The following LUZP2 variants were observed in gnomAD, a reference collection of about 807,000 sequenced individuals.
LUZP2 encodes leucine zipper protein 2.
In LUZP2, 52 loss-of-function variants were observed where a neutral mutation model predicts 51.6. That is an observed-to-expected ratio of 1.01 (90% CI 0.81 to 1.27). The LOEUF is 1.27. LUZP2 is among the 50% of genes most tolerant of loss of function. The pLI is 0.00. For missense variants in LUZP2, 436 were observed against 395.4 expected (o/e 1.10, Z -0.87); for synonymous variants, 154 against 137.3 (o/e 1.12, Z -0.85).
chr11:24,894,934 G>A (rs555977413), intron 5 of LUZP2, among the ~76,000 whole-genome samples: 1 of 152,256 alleles, frequency 6.6e-6, no homozygotes, highest in South Asian at 2.1e-4. Context: ...AAATGAGGAG[G>A]AGAAAACACA....
chr11:24,563,614 C>T (rs976264855), intron 1 of LUZP2, among the ~76,000 whole-genome samples: 1 of 151,956 alleles, frequency 6.6e-6, no homozygotes, highest in Non-Finnish European at 1.5e-5. Context: ...TTTTGATTGT[C>T]GGCACAGTCA....
chr11:25,047,991 G>A (rs1451128053), intron 9 of LUZP2, among the ~76,000 whole-genome samples: 3 of 146,304 alleles, frequency 2.1e-5, no homozygotes, highest in Non-Finnish European at 4.5e-5. Context: ...AAAAAAAATT[G>A]TAGCGACAGG....
Position 24,565,410 on chromosome 11 carries a change from G to T in LUZP2, c.62+68105G>T, listed in dbSNP as rs1243100846. ...CTCAACATCCTATGAGCATATAAGG[G>T]ACGTGAAGGTAAATATTTGCCTGTC... On this transcript the variant is annotated intron_variant, in intron 1 of 11. Coordinates refer to ENST00000336930, the MANE Select transcript of LUZP2 (RefSeq NM_001009909.4). 2.0e-5 allele frequency among the ~76,000 whole-genome samples: 3 copies of T among 152,122 alleles called. 1 individual carries two copies. Among genetic ancestry groups the T allele is most frequent in the Non-Finnish European group, 4.4e-5 (3 of 68,026 alleles).
At chr11:24,649,713 G>C (rs1458060439) in intron 1 of LUZP2, among the ~76,000 whole-genome samples, 3 of 151,820 alleles carry the variant, frequency 2.0e-5, no homozygotes, top group Non-Finnish European at 2.9e-5. Context: ...GGGGCCAGGT[G>C]GTGGGACTGC....
chr11:24,980,798 A>T (rs978198242), intron 8 of LUZP2, among the ~76,000 whole-genome samples: 1 of 151,626 alleles, frequency 6.6e-6, no homozygotes, highest in Non-Finnish European at 1.5e-5. Flanking sequence ...CTATATGGGT[A>T]TTTGGAAGAA....
At chr11:24,946,992 A>G (rs968915649) in intron 7 of LUZP2, among the ~76,000 whole-genome samples, 1 of 151,916 alleles carries the variant, frequency 6.6e-6, no homozygotes, top group Non-Finnish European at 1.5e-5. Flanking sequence ...ACTACAGTTA[A>G]CCCTTGAACA....
At chr11:24,538,725 T>C (rs937888300) in intron 1 of LUZP2, among the ~76,000 whole-genome samples, 2 of 151,650 alleles carry the variant, frequency 1.3e-5, no homozygotes, top group Non-Finnish European at 3.0e-5. Flanking sequence ...ATTTATTTTG[T>C]AAAAATAATT....
chr11:24,758,601 G>A (rs1433469755), intron 4 of LUZP2, among the ~76,000 whole-genome samples: 1 of 151,954 alleles, frequency 6.6e-6, no homozygotes, highest in Non-Finnish European at 1.5e-5. Context: ...GAAGACTATA[G>A]TTGTAATTGA....
intron 9 of LUZP2, among the ~76,000 whole-genome samples, chr11:25,027,726 C>T (rs532970600): frequency 2.2e-4 from 34 of 151,816 alleles, no homozygotes; most frequent in African/African-American, 6.8e-4. Flanking sequence ...AAAAATTAGC[C>T]GGGCGTGGTG....
At chr11:24,874,624 T>A (rs1852188497) in intron 5 of LUZP2, among the ~76,000 whole-genome samples, 1 of 152,132 alleles carries the variant, frequency 6.6e-6, no homozygotes, top group Admixed American at 6.6e-5. Context: ...CCTTCATCTG[T>A]GATACAAGTA....
chr11:24,770,935 T>A (rs1860390850), intron 5 of LUZP2, among the ~76,000 whole-genome samples: 1 of 129,378 alleles, frequency 7.7e-6, no homozygotes, highest in Non-Finnish European at 1.7e-5. Flanking sequence ...CCTGCTGCCC[T>A]GCCACTGCAG....
At chr11:24,576,976 G>T (rs1852673485) in intron 1 of LUZP2, among the ~76,000 whole-genome samples, 1 of 151,906 alleles carries the variant, frequency 6.6e-6, no homozygotes, top group African/African-American at 2.4e-5. Context: ...TGATGGGACT[G>T]GTTAAAGAAA....
intron 5 of LUZP2, among the ~76,000 whole-genome samples, chr11:24,766,862 A>G (rs1459371886): frequency 1.3e-5 from 2 of 152,132 alleles, no homozygotes; most frequent in African/African-American, 4.8e-5. Context: ...CTTGGGTTCA[A>G]GTGATACCCC....
chr11:24,531,407 A>G (rs1247906724), intron 1 of LUZP2, among the ~76,000 whole-genome samples: 2 of 150,956 alleles, frequency 1.3e-5, no homozygotes, highest in Non-Finnish European at 3.0e-5. Context: ...CAAATATATC[A>G]TCTCATTTAT....
intron 1 of LUZP2, among the ~76,000 whole-genome samples, chr11:24,596,326 A>C (rs901638517): frequency 2.6e-5 from 4 of 152,198 alleles, no homozygotes; most frequent in African/African-American, 9.6e-5. Context: ...ATCAGCTTTC[A>C]AGTTTTGTGG....
At chr11:25,036,767 A>G (rs1168975908) in intron 9 of LUZP2, among the ~76,000 whole-genome samples, 1 of 151,984 alleles carries the variant, frequency 6.6e-6, no homozygotes, top group African/African-American at 2.4e-5. Context: ...TCATGCGTTG[A>G]GAGAGATATT....
At chr11:24,673,684 G>T (rs999798571) in intron 1 of LUZP2, among the ~76,000 whole-genome samples, 1 of 152,104 alleles carries the variant, frequency 6.6e-6, no homozygotes, top group East Asian at 1.9e-4. Flanking sequence ...TGCATTGTTG[G>T]ATGTTTAACA....
intron 9 of LUZP2, among the ~76,000 whole-genome samples, chr11:24,996,786 A>G (rs1856516125): frequency 6.6e-6 from 1 of 151,554 alleles, no homozygotes; most frequent in Non-Finnish European, 1.5e-5. Context: ...ACCCCACAAC[A>G]GTCTCCAGAG....
intron 6 of LUZP2, among the ~76,000 whole-genome samples, chr11:24,908,923 A>G (rs1853544564): frequency 6.6e-6 from 1 of 150,860 alleles, no homozygotes; most frequent in Non-Finnish European, 1.5e-5. Flanking sequence ...CACCACACCC[A>G]GCTAATTTTT....
Sources: gnomAD v4.1 joint callset for allele counts (sites outside exome capture counted in the v4.1 genomes callset) on GRCh38, gnomAD v4.1.1 for gene constraint, MANE v1.5 for transcripts, NCBI Gene and HGNC (gene_info 2026-07-23, HGNC 2026-07-21) for gene names.